Variants in ADCY5 observed in about 807,000 individuals in gnomAD.
ADCY5 encodes the protein adenylate cyclase type 5.
ADCY5 carries 30 observed loss-of-function variants against 119.7 expected under a neutral mutation model. That is an observed-to-expected ratio of 0.25 (90% confidence interval 0.19 to 0.34). The LOEUF (loss-of-function observed/expected upper bound fraction) is 0.34, where lower values mean the gene tolerates loss of function less well. Among genes scored for constraint, ADCY5 ranks in the 10% least tolerant of loss-of-function variants. The pLI is 1.00. For missense variants in ADCY5, 1,324 were observed against 1,775.2 expected, an observed-to-expected ratio of 0.75 and a Z score of 4.57; for synonymous variants, 753 against 762.2, an observed-to-expected ratio of 0.99 and a Z score of 0.20.
intron 1 of ADCY5, among the ~76,000 whole-genome samples, chr3:123,439,264 G>A (rs1035428364): frequency 6.6e-6 from 1 of 151,132 alleles, no homozygotes; most frequent in South Asian, 2.1e-4. Flanking sequence ...GGGTTTCACC[G>A]TGTTAGCCAG....
At chr3:123,406,437 G>A (rs1944903094) in intron 1 of ADCY5, among the ~76,000 whole-genome samples, 1 of 152,172 alleles carries the variant, frequency 6.6e-6, no homozygotes, top group South Asian at 2.1e-4. Context: ...CTCCCGATCT[G>A]TTGGCCACAC....
At chr3:123,435,878 ATTATTATT>A (rs1945603190) in intron 1 of ADCY5, among the ~76,000 whole-genome samples, 1 of 144,478 alleles carries the variant, frequency 6.9e-6, no homozygotes, top group African/African-American at 2.5e-5. Flanking sequence ...TATTATTATT[ATTATTATT>A]ATTATTATTA....
intron 1 of ADCY5, among the ~76,000 whole-genome samples, chr3:123,371,723 A>C (rs1410394263): frequency 2.0e-5 from 3 of 152,248 alleles, no homozygotes; most frequent in Admixed American, 1.3e-4. Flanking sequence ...TCAGCAGCGA[A>C]GGCCAGGCCA....
At chr3:123,402,903 T>A (rs1045791414) in intron 1 of ADCY5, among the ~76,000 whole-genome samples, 1 of 152,044 alleles carries the variant, frequency 6.6e-6, no homozygotes, top group Admixed American at 6.6e-5. Flanking sequence ...TTTCTTCTTT[T>A]TCGCAGGGAA....
intron 17 of ADCY5, among the ~76,000 whole-genome samples, chr3:123,292,597 C>A (rs567532081): frequency 3.5e-4 from 53 of 152,286 alleles, no homozygotes; most frequent in Non-Finnish European, 6.9e-4. Flanking sequence ...TCTTGCCAAG[C>A]CTTCCTGCCC....
At chr3:123,318,155 CCTGGCCCGGT>C in intron 10 of ADCY5, 38 bp from the exon 11 acceptor site, 1 of 1,549,524 alleles carries the variant, frequency 6.5e-7, no homozygotes, top group Non-Finnish European at 8.9e-7. Context: ...GGCCAAGGTA[CCTGGCCCGGT>C]CTGCTCCAGC....
At chr3:123,411,863 T>C (rs576512685) in intron 1 of ADCY5, among the ~76,000 whole-genome samples, 29 of 152,206 alleles carry the variant, frequency 1.9e-4, no homozygotes, top group Non-Finnish European at 3.1e-4. Context: ...GAGTCCCAGG[T>C]GGACTCACTG....
At chr3:123,325,050 G>A (rs1321932666) in intron 8 of ADCY5, among the ~76,000 whole-genome samples, 8 of 152,210 alleles carry the variant, frequency 5.3e-5, no homozygotes, top group Admixed American at 2.6e-4. Flanking sequence ...TCCAGGCTGT[G>A]CCGCAAGCTC....
intron 1 of ADCY5, among the ~76,000 whole-genome samples, chr3:123,428,086 A>G (rs1945448881): frequency 6.6e-6 from 1 of 152,186 alleles, no homozygotes; most frequent in Non-Finnish European, 1.5e-5. Flanking sequence ...GTCTAGAAAG[A>G]AATATGTGAG....
chr3:123,436,824 G>A (rs993980890), intron 1 of ADCY5, among the ~76,000 whole-genome samples: 1 of 152,206 alleles, frequency 6.6e-6, no homozygotes, highest in Admixed American at 6.5e-5. Flanking sequence ...TCAAATGGAA[G>A]AGAGAGGCCC....
chr3:123,438,253 A>C (rs1576697461), intron 1 of ADCY5, among the ~76,000 whole-genome samples: 1 of 152,088 alleles, frequency 6.6e-6, no homozygotes, highest in African/African-American at 2.4e-5. Context: ...TCGTGCCATA[A>C]CCCCCTCTTG....
intron 1 of ADCY5, among the ~76,000 whole-genome samples, chr3:123,444,282 T>A (rs905161349): frequency 1.3e-5 from 2 of 150,250 alleles, no homozygotes; most frequent in African/African-American, 2.5e-5. Flanking sequence ...GAGACAGGAG[T>A]CGACAGTGAG....
At chr3:123,313,630 T>C (rs563153130) in intron 12 of ADCY5, among the ~76,000 whole-genome samples, 23 of 152,264 alleles carry the variant, frequency 1.5e-4, no homozygotes, top group East Asian at 5.8e-4. Flanking sequence ...CCAGGTCGCA[T>C]TGAGGGACAC....
Position 123,446,305 on chromosome 3 carries a change from G to T in ADCY5, c.1134+1107C>A, listed in dbSNP as rs118040720. On this transcript the variant is annotated intron_variant, in intron 1 of 20. Coordinates refer to ENST00000462833, the MANE Select transcript of ADCY5 (RefSeq NM_183357.3). ...AGGCACTAGAAGAGGGGAGACAGAG[G>T]AAGGCAATGACAATGGAAAACCCTT... 1.4e-3 allele frequency among the ~76,000 whole-genome samples: 216 copies of T among 152,330 alleles called. 1 individual carries two copies. In the East Asian group the frequency reaches 0.024, roughly 17 times the overall value.
At chr3:123,326,657 G>A (rs2108379266) in intron 7 of ADCY5, among the ~76,000 whole-genome samples, 1 of 152,246 alleles carries the variant, frequency 6.6e-6, no homozygotes, top group South Asian at 2.1e-4. Context: ...AAACCATGAG[G>A]AGCTGTCCCC....
At chr3:123,360,858 C>T (rs575937587) in intron 1 of ADCY5, among the ~76,000 whole-genome samples, 2 of 152,298 alleles carry the variant, frequency 1.3e-5, no homozygotes, top group African/African-American at 4.8e-5. Flanking sequence ...TAGTTCATCT[C>T]ACCCTCATCA....
intron 1 of ADCY5, among the ~76,000 whole-genome samples, chr3:123,406,543 C>A (rs541225085): frequency 6.6e-6 from 1 of 152,334 alleles, no homozygotes; most frequent in South Asian, 2.1e-4. Context: ...CCCTGATCAG[C>A]AAAGCGGCGT....
chr3:123,441,578 T>G (rs1265044645), intron 1 of ADCY5, among the ~76,000 whole-genome samples: 1 of 152,140 alleles, frequency 6.6e-6, no homozygotes, highest in Admixed American at 6.5e-5. Flanking sequence ...AGAAAATAAT[T>G]TAGTCCCTCT....
At chr3:123,323,256 T>C (rs1015418801) in intron 8 of ADCY5, among the ~76,000 whole-genome samples, 5 of 152,174 alleles carry the variant, frequency 3.3e-5, no homozygotes, top group African/African-American at 1.2e-4. Flanking sequence ...GGCAGCCTCC[T>C]TCTCCAGAGA....
Sources: allele counts gnomAD v4.1 joint callset (sites outside exome capture counted in the v4.1 genomes callset), GRCh38; gene constraint gnomAD v4.1.1; transcripts MANE v1.5; gene names NCBI Gene and HGNC (gene_info 2026-07-23, HGNC 2026-07-21).